The following ERC2 variants were observed in gnomAD, a reference collection of about 807,000 sequenced individuals.
ERC2 encodes ERC protein 2.
A neutral mutation model predicts 114.8 loss-of-function variants in ERC2; 42 were observed. The ratio of observed to expected loss-of-function variants is 0.37; its 90% CI spans 0.29 to 0.47. ERC2 has a LOEUF of 0.47. Among genes scored for constraint, ERC2 ranks in the 20% least tolerant of loss-of-function variants. The probability of loss-of-function intolerance (pLI) is 0.99; values close to 1 mark genes in which losing one functional copy is unlikely to be tolerated. For missense variants in ERC2, 939 were observed against 1,150.7 expected (o/e 0.82, Z 2.66); for synonymous variants, 454 against 425.5 (o/e 1.07, Z -0.82).
chr3:56,277,416 T>C (rs1484811750), intron 3 of ERC2, among the ~76,000 whole-genome samples: 1 of 152,110 alleles, frequency 6.6e-6, no homozygotes, highest in African/African-American at 2.4e-5. Flanking sequence ...TATTTTCAAA[T>C]GCCAAACATT....
chr3:56,022,159 T>G (rs755181511), intron 7 of ERC2, among the ~76,000 whole-genome samples: 5 of 152,234 alleles, frequency 3.3e-5, no homozygotes, highest in Non-Finnish European at 7.3e-5. Flanking sequence ...TGCATAGCAT[T>G]GCTAACTAAA....
At chr3:55,884,375 T>C (rs1044529141) in intron 14 of ERC2, among the ~76,000 whole-genome samples, 1 of 152,204 alleles carries the variant, frequency 6.6e-6, no homozygotes, top group Non-Finnish European at 1.5e-5. Flanking sequence ...TGCAAAGATA[T>C]ACACCAAAAT....
chr3:56,186,114 T>TAAAA lies in ERC2; in HGVS notation c.1075-12598_1075-12595dup, dbSNP rs201544979. Among the ~76,000 whole-genome samples the TAAAA allele has an allele frequency of 4.9e-3, 498 of 102,376 alleles. 30 individuals carry two copies. Among genetic ancestry groups the TAAAA allele is most frequent in the Middle Eastern group, 6.8e-3 (1 of 148 alleles). 67.2% of individuals were successfully genotyped at this position (102,376 alleles called of 152,430 possible). On this transcript the variant is annotated intron_variant, in intron 3 of 17. Transcript: ENST00000288221. ...GAAAGCATATACATCTCAAGAACCTTAAAAAAAAAAAAAAAAAAAAAAAAA... is the reference window on the plus strand; with the variant it reads ...GAAAGCATATACATCTCAAGAACCTTAAAAAAAAAAAAAAAAAAAAAAAAAAAAA...
intron 3 of ERC2, among the ~76,000 whole-genome samples, chr3:56,214,284 A>G (rs1285290969): frequency 3.3e-5 from 5 of 152,040 alleles, no homozygotes; most frequent in Non-Finnish European, 1.5e-5. Context: ...TAACCAATGG[A>G]GAGAAGCCCT....
At chr3:55,544,374 A>T (rs577706886) in intron 17 of ERC2, among the ~76,000 whole-genome samples, 1 of 152,168 alleles carries the variant, frequency 6.6e-6, no homozygotes, top group South Asian at 2.1e-4. Flanking sequence ...TTAGTGACTG[A>T]TGTGCCATTT....
intron 3 of ERC2, among the ~76,000 whole-genome samples, chr3:56,295,431 G>A (rs2055366605): frequency 6.6e-6 from 1 of 152,124 alleles, no homozygotes; most frequent in Admixed American, 6.5e-5. Context: ...GCCTCTGAAG[G>A]ACTTCAAATG....
chr3:55,892,405 C>T (rs570459598), intron 13 of ERC2, among the ~76,000 whole-genome samples: 1 of 152,178 alleles, frequency 6.6e-6, no homozygotes, highest in African/African-American at 2.4e-5. Flanking sequence ...ACCTAGAGTC[C>T]CAGCTACCCT....
At chr3:55,761,645 T>G (rs192968084) in intron 14 of ERC2, among the ~76,000 whole-genome samples, 1 of 152,118 alleles carries the variant, frequency 6.6e-6, no homozygotes, top group Admixed American at 6.5e-5. Context: ...ATCTCATCTA[T>G]ATAATTGTAA....
chr3:55,935,830 G>A (rs4974153), intron 13 of ERC2, among the ~76,000 whole-genome samples: 1 of 151,896 alleles, frequency 6.6e-6, no homozygotes, highest in Non-Finnish European at 1.5e-5. Context: ...AATGAGGAAG[G>A]TGCCCTCTGC....
chr3:55,930,258 T>C (rs988997980), intron 13 of ERC2, among the ~76,000 whole-genome samples: 21 of 151,738 alleles, frequency 1.4e-4, no homozygotes, highest in African/African-American at 4.8e-4. Flanking sequence ...AATAAATAAA[T>C]AAATAAATAA....
At chr3:55,942,401 A>G (rs62253708) in intron 13 of ERC2, among the ~76,000 whole-genome samples, 13 of 123,740 alleles carry the variant, frequency 1.1e-4, no homozygotes, top group South Asian at 2.6e-4. Context: ...CCATTCTCCT[A>G]CCTCAGCCTC....
chr3:55,759,917 A>C (rs1417522287), intron 14 of ERC2, among the ~76,000 whole-genome samples: 1 of 152,218 alleles, frequency 6.6e-6, no homozygotes, highest in Non-Finnish European at 1.5e-5. Context: ...TTTTGGTTGA[A>C]GTTTCCTTAA....
intron 6 of ERC2, among the ~76,000 whole-genome samples, chr3:56,133,547 A>G (rs1166381342): frequency 6.6e-6 from 1 of 152,234 alleles, no homozygotes; most frequent in Non-Finnish European, 1.5e-5. Context: ...CTAGATTCCT[A>G]GTTAAAGGCA....
chr3:56,377,799 C>T (rs78798714), intron 2 of ERC2, among the ~76,000 whole-genome samples: 2,766 of 151,978 alleles, frequency 0.018, 31 homozygotes, highest in Middle Eastern at 0.068. Context: ...AGGAGAACCA[C>T]TTGAGCCCAG....
intron 12 of ERC2, among the ~76,000 whole-genome samples, chr3:55,954,520 A>G (rs539476338): frequency 6.6e-6 from 1 of 152,344 alleles, no homozygotes; most frequent in South Asian, 2.1e-4. Context: ...CTAGGAGTGC[A>G]GGACAGGAGA....
chr3:56,167,957 A>G (rs1320799573), intron 4 of ERC2, among the ~76,000 whole-genome samples: 1 of 152,194 alleles, frequency 6.6e-6, no homozygotes, highest in Non-Finnish European at 1.5e-5. Flanking sequence ...AAGCCACTCC[A>G]TCTCTCATGA....
At chr3:55,660,983 T>A (rs1438911668) in intron 17 of ERC2, among the ~76,000 whole-genome samples, 2 of 152,158 alleles carry the variant, frequency 1.3e-5, no homozygotes, top group East Asian at 3.9e-4. Context: ...GTCTTCTTCA[T>A]ATTATAACAT....
At chr3:56,216,847 C>G (rs1369264019) in intron 3 of ERC2, among the ~76,000 whole-genome samples, 1 of 152,144 alleles carries the variant, frequency 6.6e-6, no homozygotes, top group African/African-American at 2.4e-5. Context: ...AAACGCAAAT[C>G]AATAAAAATA....
At chr3:55,897,013 G>A (rs1475314285) in intron 13 of ERC2, among the ~76,000 whole-genome samples, 2 of 152,116 alleles carry the variant, frequency 1.3e-5, no homozygotes, top group Non-Finnish European at 2.9e-5. Context: ...GTCATCACCT[G>A]GCTTTCTAAA....
Sources: gnomAD v4.1 joint callset for allele counts (sites outside exome capture counted in the v4.1 genomes callset) on GRCh38, gnomAD v4.1.1 for gene constraint, MANE v1.5 for transcripts, NCBI Gene and HGNC (gene_info 2026-07-23, HGNC 2026-07-21) for gene names.